WWOX: variants seen among roughly 807,000 people sequenced by gnomAD.
The protein encoded by WWOX is WW domain-containing oxidoreductase.
In WWOX, 69 loss-of-function variants were observed where a neutral mutation model predicts 46.2. The observed-to-expected ratio is 1.49, with a 90% CI of 1.23 to 1.82. WWOX has a LOEUF of 1.82. Among genes scored for constraint, WWOX ranks in the 40% most tolerant of loss-of-function variants. The probability of loss-of-function intolerance (pLI) is 0.00; values close to 1 mark genes in which losing one functional copy is unlikely to be tolerated. For missense variants in WWOX, 919 were observed against 542.6 expected, an observed-to-expected ratio of 1.69 and a Z score of -6.89; for synonymous variants, 359 against 202.6, an observed-to-expected ratio of 1.77 and a Z score of -6.56.
chr16:78,154,873 G>C (rs1201516782), intron 4 of WWOX, among the ~76,000 whole-genome samples: 3 of 152,182 alleles, frequency 2.0e-5, no homozygotes, highest in Admixed American at 2.0e-4. Flanking sequence ...GGTAAGGCTT[G>C]AGTCATGTCT....
chr16:78,310,377 C>T (rs1253786620), intron 5 of WWOX, among the ~76,000 whole-genome samples: 5 of 152,206 alleles, frequency 3.3e-5, no homozygotes, highest in Non-Finnish European at 5.9e-5. Context: ...TGTTTGTTGA[C>T]TGAATGAATT....
chr16:78,944,352 G>C (rs1049736676), intron 8 of WWOX, among the ~76,000 whole-genome samples: 1 of 152,122 alleles, frequency 6.6e-6, no homozygotes, highest in South Asian at 2.1e-4. Context: ...TGAACTCCTT[G>C]AAGATAGGAG....
intron 8 of WWOX, among the ~76,000 whole-genome samples, chr16:78,971,921 T>G (rs377308308): frequency 6.6e-6 from 1 of 152,164 alleles, no homozygotes; most frequent in South Asian, 2.1e-4. Context: ...GCAGGCTCTT[T>G]ATGAGGATCC....
chr16:78,609,140 G>A (rs2045836552), intron 8 of WWOX, among the ~76,000 whole-genome samples: 1 of 152,130 alleles, frequency 6.6e-6, no homozygotes, highest in Non-Finnish European at 1.5e-5. Context: ...GCAGGGGAAG[G>A]TTATATTTGA....
At chr16:78,971,771 C>T (rs1346865318) in intron 8 of WWOX, among the ~76,000 whole-genome samples, 4 of 151,124 alleles carry the variant, frequency 2.6e-5, no homozygotes, top group African/African-American at 9.7e-5. Flanking sequence ...TGTTGGGTTC[C>T]AAACTTTACC....
chr16:78,169,442 C>A (rs929500477), intron 5 of WWOX, among the ~76,000 whole-genome samples: 2 of 144,078 alleles, frequency 1.4e-5, no homozygotes, highest in Non-Finnish European at 3.0e-5. Context: ...CTGGCATATC[C>A]CACTCCCTGT....
chr16:79,210,625 T>TAATC (rs1250616568), intron 8 of WWOX, among the ~76,000 whole-genome samples: 1 of 152,140 alleles, frequency 6.6e-6, no homozygotes, highest in Non-Finnish European at 1.5e-5. Context: ...AACACATAAA[T>TAATC]AATCATAAGA....
intron 8 of WWOX, among the ~76,000 whole-genome samples, chr16:78,782,258 C>A (rs531836062): frequency 7.2e-5 from 11 of 152,184 alleles, no homozygotes; most frequent in Admixed American, 4.6e-4. Context: ...TGTCTTCCCT[C>A]TAGTGACCGC....
At chr16:78,905,428 T>A (rs557856566) in intron 8 of WWOX, among the ~76,000 whole-genome samples, 1 of 152,350 alleles carries the variant, frequency 6.6e-6, no homozygotes, top group East Asian at 1.9e-4. Flanking sequence ...TCAGCCAGGC[T>A]GGAGTGCAAG....
chr16:78,866,733 G>A (rs1358032897), intron 8 of WWOX, among the ~76,000 whole-genome samples: 2 of 152,172 alleles, frequency 1.3e-5, no homozygotes, highest in African/African-American at 2.4e-5. Context: ...CAATAAACCA[G>A]GAATGCACTG....
rs571768144 is a variant in WWOX, at chr16:79,194,089, G to A, written c.1057-17519G>A. On this transcript the variant is annotated intron_variant, in intron 8 of 8. Coordinates refer to ENST00000566780, the MANE Select transcript of WWOX (RefSeq NM_016373.4). ...TCTGTGTGTGTGTGTCTGTGTGTGT[G>A]TATGTGTACAAAGAAAGTTTAGAGC... Among the ~76,000 whole-genome samples, 5 of 152,302 alleles carry A rather than the reference G, an allele frequency of 3.3e-5. No individual in the cohort carries two copies. In the South Asian group the frequency reaches 8.3e-4, roughly 25 times the overall value.
In WWOX at chr16:78,969,623, T is replaced by G. The variant is rs111453138; in HGVS notation, c.1057-241985T>G. ...TCTTCTTTGTTGCATATTTTTGTAT[T>G]TCATGCAAGGTGCTGTTTATGAACA... On this transcript the variant is annotated intron_variant, in intron 8 of 8. Transcript: ENST00000566780. Among the ~76,000 whole-genome samples, 656 of 152,322 alleles carry G rather than the reference T, an allele frequency of 4.3e-3. 5 individuals carry two copies. Among genetic ancestry groups the G allele is most frequent in the African/African-American group, 0.015 (621 of 41,568 alleles).
chr16:78,805,982 A>G (rs1389437140), intron 8 of WWOX, among the ~76,000 whole-genome samples: 1 of 152,188 alleles, frequency 6.6e-6, no homozygotes, highest in Non-Finnish European at 1.5e-5. Context: ...GAAGTGGAGG[A>G]TCCTCTTAAG....
Position 78,991,600 on chromosome 16 carries a change from C to CAAAAA in WWOX, c.1057-219997_1057-219993dup, listed in dbSNP as rs57514915. Among the ~76,000 whole-genome samples the CAAAAA allele has an allele frequency of 5.5e-3, 428 of 78,162 alleles. 25 individuals are homozygous for CAAAAA. Among genetic ancestry groups the CAAAAA allele is most frequent in the African/African-American group, 0.019 (391 of 20,270 alleles). The allele number at this position is 78,162 out of a possible 152,430, so 51.3% of individuals were successfully genotyped here. ...TGGGAGACACAGCAAGACCTTGTCT[C>CAAAAA]AAAAAAAAAAAAAAAGCCAGATTCT... On this transcript the variant is annotated intron_variant, in intron 8 of 8. Coordinates refer to ENST00000566780, the MANE Select transcript of WWOX (RefSeq NM_016373.4).
At chr16:78,479,567 A>C (rs2084437842) in intron 8 of WWOX, among the ~76,000 whole-genome samples, 1 of 152,200 alleles carries the variant, frequency 6.6e-6, no homozygotes, top group African/African-American at 2.4e-5. Context: ...TTTCATAGTG[A>C]AAATGGAGAT....
At chr16:78,970,396 G>C (rs759039432) in intron 8 of WWOX, among the ~76,000 whole-genome samples, 1 of 152,104 alleles carries the variant, frequency 6.6e-6, no homozygotes, top group African/African-American at 2.4e-5. Flanking sequence ...GCCCAGCATC[G>C]TCCTTATTGT....
In WWOX at chr16:78,350,575, C is replaced by G. The variant is rs9924096; in HGVS notation, c.517-36285C>G. 1.7e-5 allele frequency among the ~76,000 whole-genome samples: 2 copies of G among 118,836 alleles called. 1 individual carries two copies. Among genetic ancestry groups the G allele is most frequent in the African/African-American group, 5.7e-5 (2 of 34,850 alleles). The allele number at this position is 118,836 out of a possible 152,430, so 78.0% of individuals were successfully genotyped here. The stretch of plus-strand genomic sequence containing the variant: ...AGATACTGTGTGGCCCTTTGTGTCT[C>G]GATCCTTACACTTAGCATCATGTTT... On this transcript the variant is annotated intron_variant, in intron 5 of 8. Coordinates refer to ENST00000566780, the MANE Select transcript of WWOX (RefSeq NM_016373.4).
intron 8 of WWOX, among the ~76,000 whole-genome samples, chr16:79,068,205 A>T (rs1305589744): frequency 1.3e-5 from 2 of 152,226 alleles, no homozygotes; most frequent in Non-Finnish European, 2.9e-5. Context: ...TCCTTATAAA[A>T]ATAGTAGCAA....
At chr16:79,185,432 G>T (rs1381491163) in intron 8 of WWOX, among the ~76,000 whole-genome samples, 1 of 152,284 alleles carries the variant, frequency 6.6e-6, no homozygotes, top group Non-Finnish European at 1.5e-5. Flanking sequence ...TTCTAACTGG[G>T]AGACAATTTT....
Sources: allele counts gnomAD v4.1 joint callset (sites outside exome capture counted in the v4.1 genomes callset), GRCh38; gene constraint gnomAD v4.1.1; transcripts MANE v1.5; gene names NCBI Gene and HGNC (gene_info 2026-07-23, HGNC 2026-07-21).